Variants in SPMAP2 observed in about 807,000 individuals in gnomAD.
The protein encoded by SPMAP2 is sperm microtubule associated protein 2.
chr19:365,052 AG>A, the SPMAP2 span, among the ~76,000 whole-genome samples: 11 of 152,204 alleles, frequency 7.2e-5, no homozygotes, highest in Non-Finnish European at 1.6e-4. Flanking sequence ...CTCTTCCACT[AG>A]GCAGGCAGAA....
the SPMAP2 span, chr19:373,861 G>T: frequency 7.7e-7 from 1 of 1,306,300 alleles, no homozygotes. Flanking sequence ...AGAGGAGGGT[G>T]GCTGGAGTGA....
chr19:371,466 CCT>C, the SPMAP2 span: 1 of 457,474 alleles, frequency 2.2e-6, no homozygotes, highest in Non-Finnish European at 3.9e-6. Context: ...CCCAGCTCCT[CCT>C]CTGTTTCTGG....
At chr19:364,160 C>T in the SPMAP2 span, among the ~76,000 whole-genome samples, 55 of 149,314 alleles carry the variant, frequency 3.7e-4, 1 homozygote, top group Middle Eastern at 3.4e-3. Context: ...GGTGAAATCC[C>T]ATCTCTACTA....
At chr19:372,756 C>T in the SPMAP2 span, 1 of 1,544,214 alleles carries the variant, frequency 6.5e-7, no homozygotes. Context: ...CCTGCAGTTC[C>T]CAGGGGCTTC....
At chr19:367,068 C>T in the SPMAP2 span, 1 of 1,612,846 alleles carries the variant, frequency 6.2e-7, no homozygotes, top group Non-Finnish European at 8.5e-7. Flanking sequence ...TACTTACTGG[C>T]CAAGTGAAGG....
the SPMAP2 span, chr19:362,467 C>T: frequency 1.3e-6 from 2 of 1,490,542 alleles, no homozygotes; most frequent in South Asian, 1.3e-5. Context: ...GAAGCTCAAA[C>T]CTCAAAGCTC....
At chr19:374,229 G>A in the SPMAP2 span, 3 of 1,589,114 alleles carry the variant, frequency 1.9e-6, no homozygotes, top group Non-Finnish European at 2.6e-6. Flanking sequence ...GGGACAGGAG[G>A]AGCCCGGGAA....
At chr19:375,408 ACTC>A in the SPMAP2 span, among the ~76,000 whole-genome samples, 5 of 151,284 alleles carry the variant, frequency 3.3e-5, no homozygotes, top group East Asian at 7.8e-4. Context: ...AGCGCTGTTT[ACTC>A]CTCCTCCTGC....
chr19:362,422 G>C, the SPMAP2 span: 2 of 1,599,290 alleles, frequency 1.3e-6, no homozygotes, highest in Non-Finnish European at 1.7e-6. Context: ...ACTGAGCTTT[G>C]GGCCCTAGTG....
chr19:365,880 T>C, the SPMAP2 span, among the ~76,000 whole-genome samples: 29 of 152,274 alleles, frequency 1.9e-4, no homozygotes, highest in East Asian at 9.7e-4. Context: ...AGCGGTGTCA[T>C]GCCTGTAATC....
At chr19:369,941 T>G in the SPMAP2 span, among the ~76,000 whole-genome samples, 2 of 152,164 alleles carry the variant, frequency 1.3e-5, no homozygotes, top group African/African-American at 4.8e-5. Flanking sequence ...TCTGGATGTA[T>G]ACGTGCAAGT....
At chr19:374,633 C>A in the SPMAP2 span, 2 of 604,016 alleles carry the variant, frequency 3.3e-6, no homozygotes, top group Middle Eastern at 4.5e-4. Context: ...GATGGAAGAC[C>A]CGTCCAGGTC....
the SPMAP2 span, chr19:375,821 C>G: frequency 6.2e-6 from 10 of 1,607,590 alleles, no homozygotes; most frequent in Non-Finnish European, 7.6e-6. Context: ...CTGCATTGTC[C>G]AGGTCCTGGC....
the SPMAP2 span, chr19:374,071 CA>C: frequency 1.1e-5 from 18 of 1,566,092 alleles, no homozygotes; most frequent in Non-Finnish European, 1.6e-5. Context: ...CGTTTGCTCC[CA>C]AACTCCTCAC....
chr19:371,126 A>G, the SPMAP2 span: 32 of 831,514 alleles, frequency 3.8e-5, no homozygotes, highest in African/African-American at 4.8e-4. Context: ...CTGACTCCCA[A>G]ACGCAAAGCC....
At chr19:364,211 C>CGA in the SPMAP2 span, among the ~76,000 whole-genome samples, 1 of 150,604 alleles carries the variant, frequency 6.6e-6, no homozygotes. Flanking sequence ...GTGGCGGCTG[C>CGA]CTGTAGTCCC....
At chr19:362,063 G>A in the SPMAP2 span, 9 of 548,982 alleles carry the variant, frequency 1.6e-5, no homozygotes, top group East Asian at 1.7e-4. Flanking sequence ...CAGGTTGGAT[G>A]CAAAAATAAA....
the SPMAP2 span, chr19:375,976 G>A: frequency 2.5e-4 from 350 of 1,391,750 alleles, 1 homozygote; most frequent in African/African-American, 4.5e-3. Context: ...CCCATACACC[G>A]GTCCCTTCCC....
chr19:367,019 T>A, the SPMAP2 span: 1 of 1,597,716 alleles, frequency 6.3e-7, no homozygotes. Context: ...TCCCTTGGGA[T>A]CTGAACAGGA....
Sources: allele counts gnomAD v4.1 joint callset (sites outside exome capture counted in the v4.1 genomes callset), GRCh38; gene constraint gnomAD v4.1.1; transcripts MANE v1.5; gene names NCBI Gene and HGNC (gene_info 2026-07-23, HGNC 2026-07-21).